PPP6R3: variants seen among roughly 807,000 people sequenced by gnomAD.
PPP6R3 encodes protein phosphatase 6 regulatory subunit 3.
PPP6R3 carries 38 observed loss-of-function variants against 110.7 expected under a neutral mutation model. The ratio of observed to expected loss-of-function variants is 0.34; its 90% CI spans 0.26 to 0.45. The LOEUF (loss-of-function observed/expected upper bound fraction) is 0.45, where lower values mean the gene tolerates loss of function less well. PPP6R3 is among the 20% of genes least tolerant of loss of function. The pLI, the probability that PPP6R3 is intolerant of heterozygous loss-of-function variation, is 1.00. For synonymous variants in PPP6R3, 369 were observed against 373.5 expected, an observed-to-expected ratio of 0.99 and a Z score of 0.14; for missense variants, 870 against 1,062.4, an observed-to-expected ratio of 0.82 and a Z score of 2.52.
chr11:68,533,060 G>T (rs1320558833), intron 2 of PPP6R3, among the ~76,000 whole-genome samples: 2 of 152,186 alleles, frequency 1.3e-5, no homozygotes, highest in African/African-American at 4.8e-5. Flanking sequence ...TGACTTTTTG[G>T]TTTTTCTGTG....
intron 1 of PPP6R3, among the ~76,000 whole-genome samples, chr11:68,507,519 A>T (rs2099085186): frequency 1.3e-5 from 2 of 152,084 alleles, no homozygotes; most frequent in South Asian, 4.1e-4. Context: ...ATGATTTTTA[A>T]ATTTACGGTG....
At chr11:68,595,784 G>C (rs192982389) in intron 18 of PPP6R3, among the ~76,000 whole-genome samples, 46 of 152,256 alleles carry the variant, frequency 3.0e-4, no homozygotes, top group African/African-American at 1.1e-3. Flanking sequence ...CAACCTCCTT[G>C]GTCATTAGGA....
intron 1 of PPP6R3, among the ~76,000 whole-genome samples, chr11:68,479,364 C>A (rs934984189): frequency 2.0e-5 from 3 of 152,216 alleles, no homozygotes; most frequent in African/African-American, 7.2e-5. Flanking sequence ...CACATGAGGT[C>A]AAGGTGGAAT....
chr11:68,602,677 C>G (rs2099635402), intron 21 of PPP6R3, among the ~76,000 whole-genome samples: 1 of 152,184 alleles, frequency 6.6e-6, no homozygotes, highest in Admixed American at 6.5e-5. Context: ...ATAACTAATG[C>G]TGGTTTCATC....
intron 3 of PPP6R3, among the ~76,000 whole-genome samples, chr11:68,538,673 GGGA>G (rs2099286740): frequency 6.6e-6 from 1 of 152,148 alleles, no homozygotes; most frequent in African/African-American, 2.4e-5. Context: ...TTTCGTCTTG[GGGA>G]GAAATGTGCT....
At chr11:68,566,185 A>G (rs1056598511) in intron 9 of PPP6R3, among the ~76,000 whole-genome samples, 1 of 152,188 alleles carries the variant, frequency 6.6e-6, no homozygotes, top group South Asian at 2.1e-4. Context: ...GCTCAGACTG[A>G]GGATTGTATT....
At chr11:68,489,271 G>A (rs915641514) in intron 1 of PPP6R3, among the ~76,000 whole-genome samples, 6 of 151,834 alleles carry the variant, frequency 4.0e-5, no homozygotes, top group East Asian at 1.9e-4. Context: ...CGCCCGCCTC[G>A]GCCTCCCAAA....
intron 1 of PPP6R3, among the ~76,000 whole-genome samples, chr11:68,467,242 A>G (rs1399905954): frequency 6.6e-6 from 1 of 152,236 alleles, no homozygotes; most frequent in Admixed American, 6.5e-5. Flanking sequence ...GGAGGCTCTG[A>G]TTTTGTACTT....
At position 68,609,891 on chromosome 11, in the gene PPP6R3, C is replaced by T; in HGVS notation, c.2451-13C>T. 1.2e-6 allele frequency: 2 copies of T among 1,613,804 alleles called. No individual in the cohort carries two copies. The highest frequency in any genetic ancestry group is 1.7e-6 in the Non-Finnish European group (2 of 1,179,784). ...TAGGGTGTTTGATGTGCCTGTCATC[C>T]TCTTTACTGCAGTGAGGAAGGGAAA... On this transcript the variant is annotated splice_polypyrimidine_tract_variant and intron_variant, in intron 22 of 23. Transcript: ENST00000393800.
intron 1 of PPP6R3, among the ~76,000 whole-genome samples, chr11:68,509,149 T>G (rs182534711): frequency 5.2e-5 from 8 of 152,386 alleles, no homozygotes; most frequent in Non-Finnish European, 1.0e-4. Context: ...GATTATGATG[T>G]AAATAGAAAT....
chr11:68,502,197 G>A (rs1023215959), intron 1 of PPP6R3, among the ~76,000 whole-genome samples: 6 of 152,008 alleles, frequency 3.9e-5, no homozygotes, highest in Non-Finnish European at 7.4e-5. Flanking sequence ...AGTAAAAAAC[G>A]CATAAAATTA....
chr11:68,552,203 G>A (rs1480461828), intron 6 of PPP6R3, among the ~76,000 whole-genome samples: 3 of 152,210 alleles, frequency 2.0e-5, no homozygotes, highest in Non-Finnish European at 4.4e-5. Context: ...ATCTACAAAG[G>A]AGTTGGTTTA....
At chr11:68,526,064 A>G (rs1274138479) in intron 2 of PPP6R3, among the ~76,000 whole-genome samples, 2 of 152,120 alleles carry the variant, frequency 1.3e-5, no homozygotes, top group African/African-American at 4.8e-5. Context: ...TGTTGTTGCA[A>G]ATAGCCATGC....
chr11:68,483,875 C>G lies in PPP6R3; in HGVS notation c.-158+23048C>G, dbSNP rs186780691. ...TCACTGCCCTACAGATCCTCTGTGC[C>G]TCATCTATTCATCCTTACCTCCCTG... is the stretch of plus-strand genomic sequence containing the variant. On this transcript the variant is annotated intron_variant, in intron 1 of 23. Transcript: ENST00000393800. Among the ~76,000 whole-genome samples, 41 of 152,336 alleles carry G rather than the reference C, an allele frequency of 2.7e-4. 1 individual carries two copies. In the East Asian group the frequency reaches 7.5e-3, roughly 28 times the overall value.
Position 68,545,012 on chromosome 11 carries a change from A to T in PPP6R3, c.402A>T (p.Arg134Ser). The T allele has an allele frequency of 6.2e-7, 1 of 1,601,964 alleles. No individual in the cohort carries two copies. Among genetic ancestry groups the T allele is most frequent in the Non-Finnish European group, 8.6e-7 (1 of 1,169,246 alleles). ...FSKVLSILIS[R>S]KPEQIVDFLK... Reference sequence around the variant, plus strand: ...AGGTGCTAAGTATTCTTATCAGCAGAAAACCAGAACAGGTAAATATGATTT... The same window carrying T: ...AGGTGCTAAGTATTCTTATCAGCAGTAAACCAGAACAGGTAAATATGATTT... Residue 134 changes from arginine (R) to serine (S), a missense_variant, in exon 4 of 24, where the codon AGA (arginine) becomes AGT (serine). Transcript: ENST00000393800.
At chr11:68,463,353 C>CAAAAAAAAAA (rs2098721611) in intron 1 of PPP6R3, among the ~76,000 whole-genome samples, 1 of 47,760 alleles carries the variant, frequency 2.1e-5, no homozygotes, top group Non-Finnish European at 4.0e-5. Flanking sequence ...GACTCAGTCT[C>CAAAAAAAAAA]AGAAAAAAAA....
At chr11:68,538,818 C>G (rs1216027686) in intron 3 of PPP6R3, among the ~76,000 whole-genome samples, 1 of 152,172 alleles carries the variant, frequency 6.6e-6, no homozygotes, top group Admixed American at 6.5e-5. Context: ...AGATTAGTGT[C>G]TTAATAAAAG....
Position 68,573,132 on chromosome 11 carries a change from AT to A in PPP6R3, c.1344-976del, listed in dbSNP as rs2099515465. On this transcript the variant is annotated intron_variant, in intron 12 of 23. Coordinates refer to ENST00000393800, the MANE Select transcript of PPP6R3 (RefSeq NM_001164161.2). ...ACTTATTTTATATATATATATATAT[AT>A]ATATATATATATATATATATAATTT... 1.9e-4 allele frequency among the ~76,000 whole-genome samples: 20 copies of A among 104,752 alleles called. 2 individuals are homozygous for A. Among genetic ancestry groups the A allele is most frequent in the African/African-American group, 5.7e-4 (14 of 24,732 alleles). 68.7% of individuals were successfully genotyped at this position (104,752 alleles called of 152,430 possible). A position where few individuals can be genotyped will look rare whatever the true frequency, so the allele number is the denominator to read the frequency against.
chr11:68,600,552 T>G, intron 20 of PPP6R3, 58 bp downstream of exon 20: 1 of 1,557,994 alleles, frequency 6.4e-7, no homozygotes, highest in South Asian at 1.2e-5. Flanking sequence ...AATGGTCAGG[T>G]GTTTGCTGTT....
Sources: allele counts gnomAD v4.1 joint callset (sites outside exome capture counted in the v4.1 genomes callset), GRCh38; gene constraint gnomAD v4.1.1; transcripts MANE v1.5; gene names NCBI Gene and HGNC (gene_info 2026-07-23, HGNC 2026-07-21).